ZNF568: variants seen among roughly 807,000 people sequenced by gnomAD.
ZNF568 encodes the protein p53 inhibitor of SCO2 activation.
Under a neutral mutation model 18.1 loss-of-function variants are expected in ZNF568, and 11 were observed. That is an observed-to-expected ratio of 0.61 (90% CI 0.38 to 1.00). ZNF568 has a LOEUF of 1.00. ZNF568 is among the 50% of genes least tolerant of loss of function. The probability of loss-of-function intolerance (pLI) is 0.01; values close to 1 mark genes in which losing one functional copy is unlikely to be tolerated. For missense variants in ZNF568, 639 were observed against 768.2 expected, an observed-to-expected ratio of 0.83 and a Z score of 1.99; for synonymous variants, 213 against 246.6, an observed-to-expected ratio of 0.86 and a Z score of 1.28.
intron 4 of ZNF568, among the ~76,000 whole-genome samples, chr19:36,929,498 A>G (rs1208599720): frequency 1.3e-5 from 2 of 152,120 alleles, no homozygotes; most frequent in African/African-American, 4.8e-5. Flanking sequence ...ATTCTGGCTG[A>G]CATGGTGAAA....
chr19:36,929,684 CAAAA>C (rs35496094), intron 4 of ZNF568, among the ~76,000 whole-genome samples: 4 of 114,580 alleles, frequency 3.5e-5, no homozygotes, highest in Admixed American at 9.0e-5. Flanking sequence ...GACTCCGTCT[CAAAA>C]AAAAAAAAAA....
intron 6 of ZNF568, among the ~76,000 whole-genome samples, chr19:36,971,017 C>T (rs1667331): frequency 0.36 from 54,557 of 151,560 alleles, 10,080 homozygotes; most frequent in African/African-American, 0.42. Context: ...CTGAGGTGGG[C>T]GGATCACCTG....
chr19:36,984,857 C>T (rs1644668), downstream of ZNF568, among the ~76,000 whole-genome samples: 81,014 of 151,634 alleles, frequency 0.53, 22,149 homozygotes, highest in African/African-American at 0.62. Context: ...TTGCTTTTCA[C>T]GTATTCTCTT....
At chr19:36,962,336 C>CTTTTTTTTT (rs76251375) in intron 6 of ZNF568, among the ~76,000 whole-genome samples, 2 of 43,102 alleles carry the variant, frequency 4.6e-5, no homozygotes, top group African/African-American at 9.3e-5. Flanking sequence ...GCTTTTCTTT[C>CTTTTTTTTT]TTTTTTTTTT....
intron 2 of ZNF568, among the ~76,000 whole-genome samples, chr19:36,985,568 G>T (rs2074369468): frequency 1.3e-5 from 2 of 152,092 alleles, no homozygotes; most frequent in South Asian, 4.1e-4. Context: ...TGTCACCCAG[G>T]CTGGAGTGCA....
intron 6 of ZNF568, among the ~76,000 whole-genome samples, chr19:36,969,185 A>G (rs1036450265): frequency 6.6e-6 from 1 of 151,708 alleles, no homozygotes; most frequent in Non-Finnish European, 1.5e-5. Flanking sequence ...TATTCTTTCA[A>G]TGCTTCTGGA....
At chr19:36,939,563 G>A (rs1221422015) in intron 6 of ZNF568, among the ~76,000 whole-genome samples, 6 of 108,864 alleles carry the variant, frequency 5.5e-5, no homozygotes, top group Admixed American at 1.3e-4. Context: ...TTTTTGAGAC[G>A]GAGTCTCACT....
chr19:36,981,347 T>A (rs1211611858), downstream of ZNF568, among the ~76,000 whole-genome samples: 1 of 152,208 alleles, frequency 6.6e-6, no homozygotes, highest in Non-Finnish European at 1.5e-5. Flanking sequence ...GCTTATCAAT[T>A]TCTGTAGAAA....
Position 36,939,785 on chromosome 19 carries a change from C to T in ZNF568, c.358+2543C>T, listed in dbSNP as rs143704824. On this transcript the variant is annotated intron_variant, in intron 6 of 6. Coordinates refer to ENST00000333987, the MANE Select transcript of ZNF568 (RefSeq NM_198539.4). Reference sequence around the variant, plus strand: ...CGAATTCCTGACCTCGTGATCCGCCCACCTCGGCCTCCCAAAGTGCTGGGA... The same window carrying T: ...CGAATTCCTGACCTCGTGATCCGCCTACCTCGGCCTCCCAAAGTGCTGGGA... Among the ~76,000 whole-genome samples the T allele has an allele frequency of 2.8e-3, 423 of 152,158 alleles. 4 individuals carry two copies. The highest frequency in any genetic ancestry group is 9.8e-3 in the African/African-American group (408 of 41,542).
At chr19:36,955,377 T>TC (rs748088829), downstream of ZNF568, among the ~76,000 whole-genome samples, 1 of 151,646 alleles carries the variant, frequency 6.6e-6, no homozygotes, top group African/African-American at 2.4e-5. Flanking sequence ...AGGACAACCT[T>TC]AGATTTCTCT....
chr19:36,990,439 A>G (rs1272456867), intron 2 of ZNF568, among the ~76,000 whole-genome samples: 3 of 152,072 alleles, frequency 2.0e-5, no homozygotes, highest in Non-Finnish European at 4.4e-5. Context: ...TCATGGGGAA[A>G]CTCTGTCTGT....
intron 6 of ZNF568, chr19:36,974,369 A>C (rs2074263245): frequency 4.0e-6 from 6 of 1,509,820 alleles, no homozygotes; most frequent in Non-Finnish European, 5.3e-6. Flanking sequence ...CAAGGGGTTC[A>C]GGGAGGGATT....
At chr19:36,981,785 A>C (rs2146341329), downstream of ZNF568, among the ~76,000 whole-genome samples, 1 of 152,148 alleles carries the variant, frequency 6.6e-6, no homozygotes, top group East Asian at 1.9e-4. Context: ...GAGGTAGGAG[A>C]ATCACTCAAG....
downstream of ZNF568, among the ~76,000 whole-genome samples, chr19:36,981,026 G>A (rs1318218073): frequency 1.3e-5 from 2 of 152,136 alleles, no homozygotes; most frequent in African/African-American, 4.8e-5. Context: ...ATGTTTAGAG[G>A]TTGCTTCCCA....
rs866847431 is a variant in ZNF568 at position 36,917,622 on chromosome 19, T to G, written c.-212T>G. 2 of 152,278 alleles carry G rather than the reference T, an allele frequency of 1.3e-5. No homozygotes were observed. Among genetic ancestry groups the G allele is most frequent in the African/African-American group, 2.4e-5 (1 of 41,486 alleles). The allele number at this position is 152,278 out of a possible 1,614,324, so 9.4% of individuals were successfully genotyped here. ...GCATATTGCTGGGCTTACATCCGTT[T>G]ATCTTGTTTGACTGTTATTTTAATA... On this transcript the variant is annotated 5_prime_UTR_variant, in exon 2 of 7. Transcript: ENST00000333987.
intron 6 of ZNF568, among the ~76,000 whole-genome samples, chr19:36,959,058 A>G (rs1055392293): frequency 3.3e-5 from 5 of 152,136 alleles, no homozygotes; most frequent in African/African-American, 4.8e-5. Flanking sequence ...TTCCATTACT[A>G]TGTTGAATAG....
intron 2 of ZNF568, among the ~76,000 whole-genome samples, chr19:36,986,628 T>G (rs977725372): frequency 6.6e-6 from 1 of 152,034 alleles, no homozygotes; most frequent in South Asian, 2.1e-4. Context: ...TTTCTTTTTT[T>G]CCCCCCTCCG....
At chr19:36,966,228 G>T (rs549355179) in intron 6 of ZNF568, among the ~76,000 whole-genome samples, 31 of 152,204 alleles carry the variant, frequency 2.0e-4, no homozygotes, top group African/African-American at 7.0e-4. Context: ...GGAGGTTGCG[G>T]TGAGCCGAGA....
At chr19:36,946,571 A>G (rs569023942) in intron 6 of ZNF568, among the ~76,000 whole-genome samples, 115 of 152,002 alleles carry the variant, frequency 7.6e-4, no homozygotes, top group Middle Eastern at 3.4e-3. Flanking sequence ...AAGGGATAAA[A>G]GGGAAATTCT....
Sources: allele counts gnomAD v4.1 joint callset (sites outside exome capture counted in the v4.1 genomes callset), GRCh38; gene constraint gnomAD v4.1.1; transcripts MANE v1.5; gene names NCBI Gene and HGNC (gene_info 2026-07-23, HGNC 2026-07-21).